MROH2A: variants seen among roughly 807,000 people sequenced by gnomAD.
MROH2A encodes the protein maestro heat-like repeat-containing protein family member 2A.
Under a neutral mutation model 200.4 loss-of-function variants are expected in MROH2A, and 174 were observed. The observed-to-expected ratio is 0.87, with a 90% CI of 0.77 to 0.98. MROH2A has a LOEUF of 0.98. Among genes scored for constraint, MROH2A ranks in the 50% least tolerant of loss-of-function variants. MROH2A has a pLI of 0.00. For missense variants in MROH2A, 2,045 were observed against 2,139.6 expected, an observed-to-expected ratio of 0.96 and a Z score of 0.87; for synonymous variants, 829 against 840.4, an observed-to-expected ratio of 0.99 and a Z score of 0.23.
intron 1 of MROH2A, among the ~76,000 whole-genome samples, chr2:233,779,031 A>G (rs966520918): frequency 6.6e-5 from 10 of 152,178 alleles, no homozygotes; most frequent in African/African-American, 2.4e-4. Context: ...CGTGGCCCTC[A>G]CCACAGGCAG....
In MROH2A at chr2:233,804,539, C is replaced by G; in HGVS notation, c.1936C>G (p.Leu646Val). The G allele has an allele frequency of 6.4e-7, 1 of 1,551,254 alleles. No individual in the cohort carries two copies. The highest frequency in any genetic ancestry group is 8.7e-7 in the Non-Finnish European group (1 of 1,147,142). The change falls in exon 18 of 42, where the codon CTG becomes GTG. Residue 646 changes from leucine to valine, a missense_variant. Leu to Val is a conservative substitution (Grantham distance 32). Transcript: ENST00000389758. ...TWDQKAWEDK[L>V]IQFLRNSLKK... ...GGATCAGAAAGCCTGGGAAGACAAG[C>G]TGATTCAGGTAAACGGGTAACAAGT...
chr2:233,794,307 T>C lies in MROH2A; in HGVS notation c.823-56T>C, dbSNP rs369423474. 68 of 1,315,282 alleles carry C rather than the reference T, an allele frequency of 5.2e-5. No homozygotes were observed. The African/African-American group carries it at 8.5e-4, about 16-fold the overall frequency. 81.5% of individuals were successfully genotyped at this position (1,315,282 alleles called of 1,614,324 possible). On this transcript the variant is annotated intron_variant, in intron 7 of 41. Transcript: ENST00000389758. ...ATTCTGTGGCTGGGGCTGAGGTCAC[T>C]GGCCTTGCTGGAGGGTGGTGAGACA...
At chr2:233,827,037 A>T (rs951282453) in intron 35 of MROH2A, among the ~76,000 whole-genome samples, 1 of 152,250 alleles carries the variant, frequency 6.6e-6, no homozygotes, top group African/African-American at 2.4e-5. Context: ...ATATCATGCC[A>T]GTCAGAATGG....
intron 12 of MROH2A, among the ~76,000 whole-genome samples, chr2:233,799,200 C>T (rs1218154815): frequency 6.6e-6 from 1 of 152,168 alleles, no homozygotes; most frequent in African/African-American, 2.4e-5. Context: ...TCTACCCATC[C>T]TCAAAAGGCT....
rs1702513596 is a variant in MROH2A, at chr2:233,802,152, C to A, written c.1561-16C>A. The A allele has an allele frequency of 1.3e-6, 2 of 1,545,602 alleles. No homozygotes were observed. The highest frequency in any genetic ancestry group is 2.0e-5 in the Admixed American group (1 of 50,764). ...GGGCTAATTCTGAGCCCCTTTCTCT[C>A]CCACCCCTACCCCAGGAGTTTTGGG... On this transcript the variant is annotated splice_polypyrimidine_tract_variant and intron_variant, in intron 14 of 41. Coordinates refer to ENST00000389758, the MANE Select transcript of MROH2A (RefSeq NM_001394639.1).
intron 3 of MROH2A, among the ~76,000 whole-genome samples, chr2:233,785,363 C>T (rs112270210): frequency 0.028 from 4,136 of 149,476 alleles, 122 homozygotes; most frequent in African/African-American, 0.07. Context: ...CTTGGCAGGC[C>T]GAGATGGGAG....
intron 13 of MROH2A, 22 bp from the exon 14 acceptor site, chr2:233,800,183 A>T: frequency 1.3e-6 from 2 of 1,509,764 alleles, no homozygotes; most frequent in Non-Finnish European, 9.0e-7. Flanking sequence ...ACAGGTGGGA[A>T]TCCCTTGGTT....
chr2:233,777,983 C>T (rs1278730593), upstream of MROH2A, among the ~76,000 whole-genome samples: 1 of 152,158 alleles, frequency 6.6e-6, no homozygotes, highest in Non-Finnish European at 1.5e-5. Context: ...GAGGAGTGCT[C>T]TCCCCAGGGC....
At chr2:233,829,482 A>C in intron 37 of MROH2A, 138 bp from the exon 38 acceptor site, 1 of 840,350 alleles carries the variant, frequency 1.2e-6, no homozygotes, top group Middle Eastern at 3.8e-4. Context: ...ATCCCTGCCA[A>C]AGGAGAGACT....
chr2:233,812,557 T>A (rs1368200232), intron 24 of MROH2A, among the ~76,000 whole-genome samples: 2 of 152,134 alleles, frequency 1.3e-5, no homozygotes, highest in African/African-American at 4.8e-5. Context: ...AACAGGCAGA[T>A]TTTAAAATAA....
intron 3 of MROH2A, among the ~76,000 whole-genome samples, chr2:233,781,660 T>G (rs968975027): frequency 3.3e-5 from 5 of 152,116 alleles, no homozygotes; most frequent in Admixed American, 1.3e-4. Flanking sequence ...GATATTCTCC[T>G]ATTCTGTGGG....
At chr2:233,809,012 G>A (rs1702982484) in intron 21 of MROH2A, 114 bp from the exon 22 acceptor site, 2 of 1,197,680 alleles carry the variant, frequency 1.7e-6, no homozygotes, top group Non-Finnish European at 2.3e-6. Flanking sequence ...ACAGTCAGGT[G>A]AAGCACCGCC....
chr2:233,812,201 A>G (rs28946897), intron 24 of MROH2A, among the ~76,000 whole-genome samples: 12,134 of 152,182 alleles, frequency 0.08, 886 homozygotes, highest in African/African-American at 0.19. Flanking sequence ...TTTATGGCAC[A>G]TGGGTGGGCT....
chr2:233,813,862 C>T (rs1703338900), intron 25 of MROH2A, 84 bp downstream of exon 25: 1 of 709,828 alleles, frequency 1.4e-6, no homozygotes, highest in African/African-American at 1.8e-5. Flanking sequence ...GTCCACCTTC[C>T]TGAACCACCT....
At position 233,818,051 on chromosome 2, in the gene MROH2A, C is replaced by T. The variant is rs771687908; in HGVS notation, c.3011C>T (p.Pro1004Leu). Residue 1004 changes from proline to leucine, a missense_variant, in exon 28 of 42, where the codon CCG becomes CTG. By Grantham distance (98) the Pro-to-Leu change is moderately conservative. Coordinates refer to ENST00000389758, the MANE Select transcript of MROH2A (RefSeq NM_001394639.1). ...QFGTMVGLIA[P>L]CTCDAHQRTR... ...GGCACAATGGTCGGACTCATTGCCC[C>T]GTGCACCTGTGATGCCCATCAAAGA... 9.7e-6 allele frequency: 15 copies of T among 1,550,892 alleles called. No individual in the cohort carries two copies. The East Asian group carries it at 1.2e-4, about 13-fold the overall frequency.
At position 233,804,017 on chromosome 2, in the gene MROH2A, G is replaced by C. The variant is rs1006629309; in HGVS notation, c.1750-34G>C. ...TCCAAGACAAGGAGCAAGGTGCTCA[G>C]GTGCTACTTCACTGGAGCCTTGGTG... On this transcript the variant is annotated intron_variant, in intron 16 of 41. Transcript: ENST00000389758. 3.2e-6 allele frequency: 5 copies of C among 1,546,738 alleles called. No homozygotes were observed. In the South Asian group the frequency reaches 6.0e-5, roughly 18 times the overall value.
Position 233,793,732 on chromosome 2 carries a change from TACCCCGTGA to T in MROH2A, c.731_739del (p.Tyr244_Met247delinsLeu). 3 of 1,495,416 alleles carry T rather than the reference TACCCCGTGA, an allele frequency of 2.0e-6. No individual in the cohort carries two copies. Among genetic ancestry groups the T allele is most frequent in the Non-Finnish European group, 2.7e-6 (3 of 1,119,982 alleles). The allele number at this position is 1,495,416 out of a possible 1,614,324, so 92.6% of individuals were successfully genotyped here. A position where few individuals can be genotyped will look rare whatever the true frequency, so the allele number is the denominator to read the frequency against. ...TCTGAAGCACCTGGAGGAGAGCGTG[TACCCCGTGA>T]TGACTGAGGAGGAGTTTGCCCTGAA... On this transcript the variant is annotated inframe_deletion, in exon 7 of 42. Coordinates refer to ENST00000389758, the MANE Select transcript of MROH2A (RefSeq NM_001394639.1).
At chr2:233,792,343 T>G (rs557047318) in intron 5 of MROH2A, among the ~76,000 whole-genome samples, 1 of 149,680 alleles carries the variant, frequency 6.7e-6, no homozygotes, top group Non-Finnish European at 1.5e-5. Flanking sequence ...GATGGAGTCA[T>G]GCTCTGTCGC....
At position 233,802,169 on chromosome 2, in the gene MROH2A, A is replaced by C. The variant is rs1211463183; in HGVS notation, c.1562A>C (p.Glu521Ala). The C allele has an allele frequency of 5.8e-6, 9 of 1,548,328 alleles. No individual in the cohort carries two copies. Among genetic ancestry groups the C allele is most frequent in the Non-Finnish European group, 7.9e-6 (9 of 1,145,616 alleles). ...ITSSVSGMTT[E>A]FWVRLLCYIM... ...CTTTCTCTCCCACCCCTACCCCAGG[A>C]GTTTTGGGTGAGGCTGCTGTGCTAC... The change falls in exon 15 of 42, where the codon GAG (glutamate) becomes GCG (alanine). Residue 521 changes from glutamate to alanine, a missense_variant and splice_region_variant. Around this residue, in one of 3 missense-constraint regions of MROH2A, gnomAD observed 831 missense variants for 800.0 expected, o/e 1.04. Transcript: ENST00000389758.
Sources: gnomAD v4.1 joint callset for allele counts (sites outside exome capture counted in the v4.1 genomes callset) on GRCh38, gnomAD v4.1.1 for gene constraint, gnomAD v4.1.1 regional missense constraint, MANE v1.5 for transcripts, NCBI Gene and HGNC (gene_info 2026-07-23, HGNC 2026-07-21) for gene names.